The following THOP1 variants were observed in gnomAD, a reference collection of about 807,000 sequenced individuals.
THOP1 encodes thimet oligopeptidase.
Under a neutral mutation model 71.8 loss-of-function variants are expected in THOP1, and 49 were observed. The ratio of observed to expected loss-of-function variants is 0.68; its 90% CI spans 0.54 to 0.87. THOP1 has a LOEUF of 0.87. Ranked by LOEUF, THOP1 falls within the 40% of genes least tolerant of loss-of-function variation. The pLI is 0.00. For synonymous variants in THOP1, 426 were observed against 421.5 expected (o/e 1.01, Z -0.13); for missense variants, 843 against 975.6 (o/e 0.86, Z 1.81).
intron 1 of THOP1, among the ~76,000 whole-genome samples, chr19:2,788,954 T>C (rs569553949): frequency 6.6e-6 from 1 of 152,156 alleles, no homozygotes; most frequent in Admixed American, 6.5e-5. Flanking sequence ...AGAGACGGGG[T>C]TTCACCATGT....
chr19:2,803,449 G>T (rs1916206876), intron 5 of THOP1, among the ~76,000 whole-genome samples: 1 of 152,174 alleles, frequency 6.6e-6, no homozygotes, highest in Non-Finnish European at 1.5e-5. Context: ...ATCCATTGCA[G>T]CCTGGGCAAC....
At chr19:2,791,665 C>T (rs1161309082) in intron 2 of THOP1, among the ~76,000 whole-genome samples, 1 of 152,220 alleles carries the variant, frequency 6.6e-6, no homozygotes, top group African/African-American at 2.4e-5. Flanking sequence ...GTAGGAGTCT[C>T]ATGAGGCTCA....
intron 4 of THOP1, among the ~76,000 whole-genome samples, chr19:2,798,086 C>T (rs1249777332): frequency 2.6e-5 from 4 of 152,120 alleles, no homozygotes; most frequent in South Asian, 4.1e-4. Context: ...TGGAGTGCAA[C>T]GGTGTGATCT....
chr19:2,812,778 G>A (rs1214630056), intron 12 of THOP1, among the ~76,000 whole-genome samples: 1 of 152,236 alleles, frequency 6.6e-6, no homozygotes, highest in Non-Finnish European at 1.5e-5. Context: ...GCGGCCCAGA[G>A]CGCGAGCGGC....
chr19:2,785,534 C>A lies in THOP1; in HGVS notation c.-129C>A, dbSNP rs995805663. On this transcript the variant is annotated 5_prime_UTR_variant, in exon 1 of 13. Transcript: ENST00000307741. ...CCCCGGGAGCGCGGGCGGCGGGCCC[C>A]TTGGTCCTCAGGCGGCCGTGGCGGC... The A allele has an allele frequency of 8.7e-7, 1 of 1,143,876 alleles. No individual in the cohort carries two copies. The highest frequency in any genetic ancestry group is 1.1e-6 in the Non-Finnish European group (1 of 871,026). 70.9% of individuals were successfully genotyped at this position (1,143,876 alleles called of 1,614,324 possible).
chr19:2,810,659 G>A lies in THOP1; in HGVS notation c.1662G>A (p.Gln554=). 9 of 1,557,268 alleles carry A rather than the reference G, an allele frequency of 5.8e-6. No homozygotes were observed. The highest frequency in any genetic ancestry group is 7.8e-6 in the Non-Finnish European group (9 of 1,150,532). Residue 554 remains glutamine, a synonymous_variant, in exon 11 of 13, where the codon CAG becomes CAA. Coordinates refer to ENST00000307741, the MANE Select transcript of THOP1 (RefSeq NM_003249.5). ...QANTGLFNLR[Q]IVLAKVDQAL... The stretch of plus-strand genomic sequence containing the variant: ...GCCCAGGCCTCTTCAACCTGCGCCA[G>A]ATCGTCCTCGCCAAGGTGGACCAGG...
intron 6 of THOP1, chr19:2,806,001 G>A (rs533560707): frequency 2.2e-4 from 33 of 147,266 alleles, no homozygotes; most frequent in African/African-American, 5.5e-4. Flanking sequence ...GGTGGGGGAC[G>A]GGTGGGTACC....
chr19:2,791,456 C>G (rs1479731824), intron 2 of THOP1, among the ~76,000 whole-genome samples: 1 of 152,196 alleles, frequency 6.6e-6, no homozygotes, highest in African/African-American at 2.4e-5. Flanking sequence ...TGCCATGAGG[C>G]CTCCAGAGGG....
intron 1 of THOP1, 55 bp from the exon 2 acceptor site, chr19:2,790,366 A>G: frequency 6.9e-7 from 1 of 1,458,554 alleles, no homozygotes; most frequent in South Asian, 1.4e-5. Flanking sequence ...CCTGACTTTG[A>G]CCCTAACTGA....
chr19:2,794,346 C>T (rs369403435), intron 2 of THOP1, among the ~76,000 whole-genome samples: 4 of 152,160 alleles, frequency 2.6e-5, no homozygotes, highest in African/African-American at 7.2e-5. Flanking sequence ...ACTGACACTT[C>T]CTCTACTCAA....
chr19:2,808,059 G>A (rs1916354526), intron 8 of THOP1, 184 bp from the exon 9 acceptor site: 1 of 807,222 alleles, frequency 1.2e-6, no homozygotes, highest in Non-Finnish European at 1.9e-6. Context: ...AGGGATGGCA[G>A]CCGGGGCCTG....
intron 2 of THOP1, among the ~76,000 whole-genome samples, chr19:2,793,818 C>T (rs1257585662): frequency 6.6e-6 from 1 of 152,132 alleles, no homozygotes; most frequent in South Asian, 2.1e-4. Flanking sequence ...ATGGCTGAGT[C>T]GTGTTCCACT....
Position 2,810,673 on chromosome 19 carries a change from A to G in THOP1, c.1676A>G (p.Lys559Arg), listed in dbSNP as rs767637812. 7.4e-5 allele frequency: 115 copies of G among 1,564,076 alleles called. No individual in the cohort carries two copies. Among genetic ancestry groups the G allele is most frequent in the Non-Finnish European group, 9.4e-5 (109 of 1,154,048 alleles). Reference sequence around the variant, plus strand: ...AACCTGCGCCAGATCGTCCTCGCCAAGGTGGACCAGGCCCTGCACACGCAG... The same window carrying G: ...AACCTGCGCCAGATCGTCCTCGCCAGGGTGGACCAGGCCCTGCACACGCAG... ...LFNLRQIVLA[K>R]VDQALHTQTD... is the part of the protein sequence containing the mutation. Residue 559 changes from lysine (K) to arginine (R), a missense_variant, in exon 11 of 13, where the codon AAG becomes AGG. Transcript: ENST00000307741.
At chr19:2,810,177 A>C in intron 9 of THOP1, 127 bp from the exon 10 acceptor site, 9 of 1,148,576 alleles carry the variant, frequency 7.8e-6, no homozygotes, top group African/African-American at 1.6e-5. Context: ...TTGGGGTGGG[A>C]GGGCCGGGCC....
chr19:2,813,054 G>C, intron 12 of THOP1, 61 bp from the exon 13 acceptor site: 5 of 1,529,002 alleles, frequency 3.3e-6, no homozygotes. Flanking sequence ...GCAGACTCCT[G>C]GGGTCCTCTG....
Position 2,786,765 on chromosome 19 carries a change from A to AT in THOP1, c.16+1102dup, listed in dbSNP as rs550767741. 3.4e-3 allele frequency among the ~76,000 whole-genome samples: 339 copies of AT among 101,152 alleles called. 7 individuals carry two copies. Among genetic ancestry groups the AT allele is most frequent in the East Asian group, 5.4e-3 (15 of 2,802 alleles). 66.4% of individuals were successfully genotyped at this position (101,152 alleles called of 152,430 possible). ...AGGCGCCCACCACCACACCTGGCTAATTTTTTTTTTTTTTTGGAGATAGAG... is the reference window on the plus strand; with the variant it reads ...AGGCGCCCACCACCACACCTGGCTAATTTTTTTTTTTTTTTTGGAGATAGAG... On this transcript the variant is annotated intron_variant, in intron 1 of 12. Transcript: ENST00000307741.
intron 4 of THOP1, among the ~76,000 whole-genome samples, chr19:2,796,451 A>G (rs1319717353): frequency 7.6e-6 from 1 of 130,786 alleles, no homozygotes; most frequent in African/African-American, 3.0e-5. Flanking sequence ...GCTGGGTGTG[A>G]GGAGTGCTCG....
At position 2,790,448 on chromosome 19, in the gene THOP1, C is replaced by A; in HGVS notation, c.44C>A (p.Ala15Glu). ...AACAGDMADAASPCSVVNDLR... is the reference protein window; with the variant it reads ...AACAGDMADAESPCSVVNDLR... ...TGTGCAGGAGACATGGCGGACGCAG[C>A]ATCTCCGTGCTCTGTGGTAAACGAC... The change falls in exon 2 of 13, where the codon GCA becomes GAA. Residue 15 changes from alanine (A) to glutamate (E), a missense_variant. Ala to Glu is a moderately radical substitution (Grantham distance 107, BLOSUM62 -1). Transcript: ENST00000307741. 2 of 1,577,384 alleles carry A rather than the reference C, an allele frequency of 1.3e-6. No homozygotes were observed. The highest frequency in any genetic ancestry group is 1.2e-5 in the South Asian group (1 of 86,070).
intron 2 of THOP1, 28 bp downstream of exon 2, chr19:2,790,661 G>GGCCGCAGGTGCCGAGGGAGGTGGC: frequency 5.3e-6 from 8 of 1,497,292 alleles, no homozygotes; most frequent in Non-Finnish European, 7.1e-6. Flanking sequence ...TCTGTGCGTG[G>GGCCGCAGGTGCCGAGGGAGGTGGC]GCCGCAGGTG....
Sources: allele counts gnomAD v4.1 joint callset (sites outside exome capture counted in the v4.1 genomes callset), GRCh38; gene constraint gnomAD v4.1.1; transcripts MANE v1.5; gene names NCBI Gene and HGNC (gene_info 2026-07-23, HGNC 2026-07-21).